Variants in COG5 observed in about 807,000 individuals in gnomAD.
COG5 encodes the protein conserved oligomeric Golgi complex subunit 5.
A neutral mutation model predicts 110.4 loss-of-function variants in COG5; 86 were observed. That is an observed-to-expected ratio of 0.78 (90% CI 0.65 to 0.93). The LOEUF (loss-of-function observed/expected upper bound fraction) is 0.93. COG5 is among the 40% of genes least tolerant of loss of function. The probability of loss-of-function intolerance (pLI) is 0.00; values close to 1 mark genes in which losing one functional copy is unlikely to be tolerated. For synonymous variants in COG5, 360 were observed against 334.6 expected (o/e 1.08, Z -0.83); for missense variants, 1,077 against 987.0 (o/e 1.09, Z -1.22).
At chr7:107,498,367 A>G (rs565178237) in intron 6 of COG5, among the ~76,000 whole-genome samples, 117 of 152,330 alleles carry the variant, frequency 7.7e-4, no homozygotes, top group Non-Finnish European at 2.6e-4. Flanking sequence ...AAATATTCAC[A>G]AACCATGTAT....
chr7:107,508,259 T>C (rs1315110000), intron 6 of COG5, among the ~76,000 whole-genome samples: 1 of 152,188 alleles, frequency 6.6e-6, no homozygotes, highest in Admixed American at 6.5e-5. Context: ...GAGGGTCCTA[T>C]GCCCACAGAG....
chr7:107,322,798 T>C (rs1734337041), intron 11 of COG5, among the ~76,000 whole-genome samples: 1 of 152,206 alleles, frequency 6.6e-6, no homozygotes, highest in Non-Finnish European at 1.5e-5. Context: ...ACTTTATTCA[T>C]AATAATCCAA....
chr7:107,522,628 T>G (rs144617345), intron 6 of COG5, among the ~76,000 whole-genome samples: 330 of 152,030 alleles, frequency 2.2e-3, no homozygotes, highest in African/African-American at 7.4e-3. Flanking sequence ...AAGAAAAAAA[T>G]AAAAATAAAA....
chr7:107,560,914 G>C (rs1206164456), intron 1 of COG5, among the ~76,000 whole-genome samples: 2 of 146,754 alleles, frequency 1.4e-5, no homozygotes, highest in African/African-American at 5.5e-5. Context: ...GACAAGACCA[G>C]ATGATTTAGG....
chr7:107,394,295 TAA>T (rs201411444), intron 7 of COG5, among the ~76,000 whole-genome samples: 4 of 139,800 alleles, frequency 2.9e-5, no homozygotes. Flanking sequence ...AAAAGATACT[TAA>T]AAAAAAAAAA....
chr7:107,252,064 T>C (rs1472924699), intron 16 of COG5, among the ~76,000 whole-genome samples: 1 of 151,976 alleles, frequency 6.6e-6, no homozygotes, highest in Non-Finnish European at 1.5e-5. Flanking sequence ...ATCAAAAAGA[T>C]AGTTAAGTGA....
chr7:107,399,324 T>G (rs370555230), intron 7 of COG5, among the ~76,000 whole-genome samples: 1 of 152,188 alleles, frequency 6.6e-6, no homozygotes, highest in Non-Finnish European at 1.5e-5. Flanking sequence ...GGTTTGGCAG[T>G]GACCCCACCC....
chr7:107,415,208 G>T (rs762296779), intron 6 of COG5, among the ~76,000 whole-genome samples: 1 of 152,314 alleles, frequency 6.6e-6, no homozygotes, highest in East Asian at 1.9e-4. Flanking sequence ...TTGGGTTGGT[G>T]CTGGAAGTTG....
chr7:107,414,703 C>CTTTTTTTTTTTTT lies in COG5; in HGVS notation c.539-2084_539-2072dup, dbSNP rs530323655. 3.6e-4 allele frequency among the ~76,000 whole-genome samples: 22 copies of CTTTTTTTTTTTTT among 61,714 alleles called. 2 individuals are homozygous for CTTTTTTTTTTTTT. The highest frequency in any genetic ancestry group is 4.2e-4 in the Non-Finnish European group (11 of 26,228). 40.5% of individuals were successfully genotyped at this position (61,714 alleles called of 152,430 possible). A position where few individuals can be genotyped will look rare whatever the true frequency, so the allele number is the denominator to read the frequency against. Reference sequence around the variant, plus strand: ...ATTGATTCCAAAATCCTCACTGTCCCTTTTTTTTTTTTTTTTTTTTTTTTT... The same window carrying CTTTTTTTTTTTTT: ...ATTGATTCCAAAATCCTCACTGTCCCTTTTTTTTTTTTTTTTTTTTTTTTTTTTTTTTTTTTTT... On this transcript the variant is annotated intron_variant, in intron 6 of 21. Coordinates refer to ENST00000297135, the MANE Select transcript of COG5 (RefSeq NM_006348.5).
At chr7:107,405,138 T>A (rs2129062616) in intron 7 of COG5, among the ~76,000 whole-genome samples, 1 of 152,336 alleles carries the variant, frequency 6.6e-6, no homozygotes, top group Middle Eastern at 3.4e-3. Context: ...ATGATTCTAT[T>A]ACTTGCCAGC....
chr7:107,309,042 A>G (rs758625594), intron 11 of COG5, among the ~76,000 whole-genome samples: 2 of 147,696 alleles, frequency 1.4e-5, no homozygotes, highest in Admixed American at 7.2e-5. Context: ...AGACCACAAC[A>G]TAAGTGATAA....
At chr7:107,229,379 G>A (rs1223597547) in intron 19 of COG5, among the ~76,000 whole-genome samples, 1 of 152,104 alleles carries the variant, frequency 6.6e-6, no homozygotes, top group Non-Finnish European at 1.5e-5. Context: ...AACCCGGGAG[G>A]TGGAAGTTGC....
rs376183311 is a variant in COG5, at chr7:107,489,261, T to G, written c.538+37976A>C. Among the ~76,000 whole-genome samples the G allele has an allele frequency of 1.5e-4, 23 of 152,322 alleles. No individual in the cohort carries two copies. The East Asian group carries it at 2.9e-3, about 19-fold the overall frequency. On this transcript the variant is annotated intron_variant, in intron 6 of 21. Transcript: ENST00000297135. ...ATAAACTCTTCGCTAAAATGTATTC[T>G]TATTTTCTTGGAATATTAAAAATGA...
In COG5 at chr7:107,548,406, G is replaced by A. The variant is rs1164141297; in HGVS notation, c.293-74C>T. On this transcript the variant is annotated intron_variant, in intron 3 of 21. Transcript: ENST00000297135. ...AACTGGGTAAATAGTTAAATTAAAA[G>A]AAAATACATGCATATATAATTTTAA... 2.3e-6 allele frequency: 3 copies of A among 1,319,910 alleles called. No homozygotes were observed. In the East Asian group the frequency reaches 6.9e-5, roughly 30 times the overall value. The allele number at this position is 1,319,910 out of a possible 1,614,324, so 81.8% of individuals were successfully genotyped here. A position where few individuals can be genotyped will look rare whatever the true frequency, so the allele number is the denominator to read the frequency against.
chr7:107,324,948 A>G lies in COG5; in HGVS notation c.1027-427T>C, dbSNP rs140990957. Among the ~76,000 whole-genome samples, 708 of 152,308 alleles carry G rather than the reference A, an allele frequency of 4.6e-3. 8 individuals are homozygous for G. The highest frequency in any genetic ancestry group is 0.016 in the African/African-American group (670 of 41,574). The stretch of plus-strand genomic sequence containing the variant: ...TTACTCTCATCATCATTTTTTAAAT[A>G]CGGAGGGCAATTTGTGTGACTATAA... On this transcript the variant is annotated intron_variant, in intron 10 of 21. Coordinates refer to ENST00000297135, the MANE Select transcript of COG5 (RefSeq NM_006348.5).
At chr7:107,397,286 C>T (rs1484102969) in intron 7 of COG5, among the ~76,000 whole-genome samples, 2 of 152,104 alleles carry the variant, frequency 1.3e-5, no homozygotes, top group African/African-American at 4.8e-5. Context: ...TAATGGCTAC[C>T]GGCATGACAG....
intron 7 of COG5, among the ~76,000 whole-genome samples, chr7:107,378,606 G>A (rs1814831206): frequency 6.6e-6 from 1 of 152,102 alleles, no homozygotes; most frequent in Admixed American, 6.5e-5. Context: ...GAAAAACACA[G>A]CACGAGAACT....
chr7:107,504,595 T>C (rs1798847084), intron 6 of COG5, among the ~76,000 whole-genome samples: 1 of 152,234 alleles, frequency 6.6e-6, no homozygotes, highest in Non-Finnish European at 1.5e-5. Flanking sequence ...TTTGAATATC[T>C]GGTAGAATTC....
chr7:107,315,821 T>C (rs1055473593), intron 11 of COG5, among the ~76,000 whole-genome samples: 4 of 152,168 alleles, frequency 2.6e-5, no homozygotes, highest in African/African-American at 4.8e-5. Context: ...CAACTTACTT[T>C]GGAGTTCTCC....
Sources: allele counts gnomAD v4.1 joint callset (sites outside exome capture counted in the v4.1 genomes callset), GRCh38; gene constraint gnomAD v4.1.1; transcripts MANE v1.5; gene names NCBI Gene and HGNC (gene_info 2026-07-23, HGNC 2026-07-21).